Variants in KCNQ5 observed in about 807,000 individuals in gnomAD.
KCNQ5 encodes the protein potassium voltage-gated channel subfamily KQT member 5.
Under a neutral mutation model 98.2 loss-of-function variants are expected in KCNQ5, and 30 were observed. That is an observed-to-expected ratio of 0.31 (90% CI 0.23 to 0.41). The LOEUF (loss-of-function observed/expected upper bound fraction) is 0.41, where lower values mean the gene tolerates loss of function less well. KCNQ5 is among the 10% of genes least tolerant of loss of function. KCNQ5 has a pLI of 1.00. For synonymous variants in KCNQ5, 458 were observed against 449.4 expected (o/e 1.02, Z -0.24); for missense variants, 835 against 1,182.5 (o/e 0.71, Z 4.31).
chr6:73,017,867 GAAACTCCAGACCA>G (rs988183858), intron 2 of KCNQ5, among the ~76,000 whole-genome samples: 5 of 152,014 alleles, frequency 3.3e-5, no homozygotes, highest in African/African-American at 1.2e-4. Context: ...CAAAGAAATG[GAAACTCCAGACCA>G]AAACAGCTCT....
chr6:73,006,638 G>A (rs1769827668), intron 2 of KCNQ5, among the ~76,000 whole-genome samples: 3 of 152,092 alleles, frequency 2.0e-5, no homozygotes, highest in African/African-American at 7.2e-5. Flanking sequence ...GGGCAACAGA[G>A]CAAGACTCCA....
At chr6:72,760,959 T>C (rs1389492563) in intron 1 of KCNQ5, among the ~76,000 whole-genome samples, 1 of 152,200 alleles carries the variant, frequency 6.6e-6, no homozygotes, top group Admixed American at 6.6e-5. Flanking sequence ...CACAGCCAGA[T>C]TTCATGATAT....
chr6:72,745,450 G>A (rs931044901), intron 1 of KCNQ5, among the ~76,000 whole-genome samples: 2 of 152,138 alleles, frequency 1.3e-5, no homozygotes, highest in Non-Finnish European at 2.9e-5. Context: ...TGTCAGTAAC[G>A]GCAGCAATCA....
intron 1 of KCNQ5, chr6:72,986,343 T>A (rs1365383539): frequency 2.1e-5 from 8 of 374,284 alleles, no homozygotes; most frequent in Non-Finnish European, 3.9e-5. Context: ...TGGGGAAGTT[T>A]GGTCCATCAG....
chr6:72,839,719 G>T (rs1435099083), intron 1 of KCNQ5, among the ~76,000 whole-genome samples: 1 of 152,132 alleles, frequency 6.6e-6, no homozygotes, highest in Non-Finnish European at 1.5e-5. Flanking sequence ...ACAACATGAT[G>T]TTTTGATATA....
intron 1 of KCNQ5, among the ~76,000 whole-genome samples, chr6:72,695,475 A>G (rs116400629): frequency 2.1e-3 from 320 of 152,274 alleles, no homozygotes; most frequent in African/African-American, 7.5e-3. Context: ...CAAAGCTTAC[A>G]GAGGTTGCTG....
At chr6:73,008,752 A>G (rs1021307831) in intron 2 of KCNQ5, among the ~76,000 whole-genome samples, 9 of 152,194 alleles carry the variant, frequency 5.9e-5, no homozygotes, top group African/African-American at 2.2e-4. Flanking sequence ...CAATAAACCA[A>G]CTAGGACTAA....
At chr6:72,800,938 G>C (rs1426504477) in intron 1 of KCNQ5, among the ~76,000 whole-genome samples, 2 of 151,944 alleles carry the variant, frequency 1.3e-5, no homozygotes, top group Non-Finnish European at 2.9e-5. Flanking sequence ...GAGTGGTTTT[G>C]AGTGAGTTTC....
In KCNQ5 at chr6:73,195,068, T is replaced by C. The variant is rs751284362; in HGVS notation, c.2453T>C (p.Val818Ala). ...FDMGGETLLSVCPMVPKDLGK... is the reference protein window; with the variant it reads ...FDMGGETLLSACPMVPKDLGK... ...ATGGGAGGAGAAACTCTGTTGTCTG[T>C]CTGTCCCATGGTGCCGAAGGACTTG... Residue 818 changes from valine (V) to alanine (A), a missense_variant, in exon 14 of 14, where the codon GTC becomes GCC. Around this residue, in one of 10 missense-constraint regions of KCNQ5, gnomAD observed 416 missense variants for 446.9 expected, o/e 0.93. Transcript: ENST00000370398. 5 of 1,614,224 alleles carry C rather than the reference T, an allele frequency of 3.1e-6. No homozygotes were observed. Among genetic ancestry groups the C allele is most frequent in the Middle Eastern group, 1.7e-4 (1 of 6,060 alleles).
intron 1 of KCNQ5, among the ~76,000 whole-genome samples, chr6:72,945,612 G>A (rs143266604): frequency 0.012 from 1,854 of 151,932 alleles, 32 homozygotes; most frequent in African/African-American, 0.041. Flanking sequence ...AGGCCACCAT[G>A]CCTGGCTAAT....
intron 1 of KCNQ5, among the ~76,000 whole-genome samples, chr6:72,919,026 G>A (rs1780281232): frequency 2.6e-5 from 4 of 151,862 alleles, no homozygotes; most frequent in African/African-American, 7.3e-5. Context: ...CTTCCTGATG[G>A]TTTCAGTTCT....
intron 1 of KCNQ5, among the ~76,000 whole-genome samples, chr6:72,683,462 G>T (rs1767807588): frequency 1.3e-5 from 2 of 150,606 alleles, no homozygotes; most frequent in Non-Finnish European, 2.9e-5. Context: ...CTGCCTCCCG[G>T]GTTCACGCCA....
At chr6:72,816,865 A>C (rs1398489491) in intron 1 of KCNQ5, among the ~76,000 whole-genome samples, 3 of 152,220 alleles carry the variant, frequency 2.0e-5, no homozygotes, top group Non-Finnish European at 4.4e-5. Flanking sequence ...GCACTCCTCA[A>C]GGTGGAAAAG....
intron 10 of KCNQ5, among the ~76,000 whole-genome samples, chr6:73,141,883 A>G (rs1582434461): frequency 6.6e-6 from 1 of 152,366 alleles, no homozygotes; most frequent in East Asian, 1.9e-4. Flanking sequence ...TTGAAATAAC[A>G]CATACTTATA....
chr6:73,157,872 G>A, intron 10 of KCNQ5: 1 of 778,556 alleles, frequency 1.3e-6, no homozygotes, highest in Non-Finnish European at 2.4e-6. Context: ...CGGGATCTAA[G>A]CGAATATCGT....
chr6:73,132,942 T>C (rs908419614), intron 9 of KCNQ5, among the ~76,000 whole-genome samples: 1 of 152,244 alleles, frequency 6.6e-6, no homozygotes, highest in African/African-American at 2.4e-5. Flanking sequence ...AACATAATCT[T>C]GCCTGGAATA....
intron 1 of KCNQ5, among the ~76,000 whole-genome samples, chr6:72,925,825 T>C (rs2150223144): frequency 6.6e-6 from 1 of 152,266 alleles, no homozygotes; most frequent in Middle Eastern, 3.4e-3. Flanking sequence ...GGGAACCTTG[T>C]GGGCAAAGGG....
chr6:72,660,011 C>T (rs12111265), intron 1 of KCNQ5, among the ~76,000 whole-genome samples: 48,361 of 152,064 alleles, frequency 0.32, 11,202 homozygotes, highest in African/African-American at 0.61. Context: ...CCGTTCTTGT[C>T]CCTTGTGGGC....
chr6:72,826,837 A>G (rs1410185432), intron 1 of KCNQ5, among the ~76,000 whole-genome samples: 1 of 151,998 alleles, frequency 6.6e-6, no homozygotes, highest in East Asian at 1.9e-4. Context: ...TTTAGCCATA[A>G]TTTTTATATC....
Sources: gnomAD v4.1 joint callset for allele counts (sites outside exome capture counted in the v4.1 genomes callset) on GRCh38, gnomAD v4.1.1 for gene constraint, gnomAD v4.1.1 regional missense constraint, MANE v1.5 for transcripts, NCBI Gene and HGNC (gene_info 2026-07-23, HGNC 2026-07-21) for gene names.